PTPRT: variants seen among roughly 807,000 people sequenced by gnomAD.
The protein encoded by PTPRT is protein tyrosine phosphatase receptor type T, also known as receptor-type tyrosine-protein phosphatase T.
Under a neutral mutation model 176.8 loss-of-function variants are expected in PTPRT, and 56 were observed. The ratio of observed to expected loss-of-function variants is 0.32; its 90% confidence interval spans 0.26 to 0.40. The LOEUF (loss-of-function observed/expected upper bound fraction) is 0.40, where lower values mean the gene tolerates loss of function less well. PTPRT is among the 10% of genes least tolerant of loss of function. The probability of loss-of-function intolerance (pLI) is 1.00; values close to 1 mark genes in which losing one functional copy is unlikely to be tolerated. For missense variants in PTPRT, 1,540 were observed against 1,908.2 expected (o/e 0.81, Z 3.60); for synonymous variants, 783 against 739.0 (o/e 1.06, Z -0.96).
At chr20:42,725,008 T>TG (rs1402509955) in intron 6 of PTPRT, among the ~76,000 whole-genome samples, 2,855 of 115,054 alleles carry the variant, frequency 0.025, 111 homozygotes, top group African/African-American at 0.089. Flanking sequence ...GTGGACATCT[T>TG]TTGTGTGTGT....
At chr20:42,643,811 CT>C (rs1321909601) in intron 7 of PTPRT, among the ~76,000 whole-genome samples, 1 of 151,980 alleles carries the variant, frequency 6.6e-6, no homozygotes, top group African/African-American at 2.4e-5. Flanking sequence ...GGTTGCAACC[CT>C]CCCCTTGCCT....
chr20:43,041,479 C>T (rs189589702), intron 1 of PTPRT, among the ~76,000 whole-genome samples: 1 of 152,324 alleles, frequency 6.6e-6, no homozygotes, highest in Admixed American at 6.5e-5. Context: ...GTGTGGACAA[C>T]AGGGACAAGT....
intron 16 of PTPRT, among the ~76,000 whole-genome samples, chr20:42,185,452 G>T (rs1403975021): frequency 1.3e-5 from 2 of 152,154 alleles, no homozygotes; most frequent in Non-Finnish European, 2.9e-5. Flanking sequence ...ACTTCTTGAG[G>T]ATATTTTGAG....
chr20:42,855,694 A>G (rs1002508548), intron 2 of PTPRT, among the ~76,000 whole-genome samples: 1 of 152,088 alleles, frequency 6.6e-6, no homozygotes, highest in Non-Finnish European at 1.5e-5. Flanking sequence ...AGCCTCCCAA[A>G]GTGCTGGTAT....
chr20:42,094,375 A>T, intron 27 of PTPRT, among the ~76,000 whole-genome samples: 1 of 152,136 alleles, frequency 6.6e-6, no homozygotes, highest in East Asian at 1.9e-4. Context: ...TAGTTATCTC[A>T]GTTTCTAACC....
chr20:42,549,843 C>T (rs1246460517), intron 7 of PTPRT, among the ~76,000 whole-genome samples: 6 of 151,914 alleles, frequency 3.9e-5, no homozygotes, highest in Non-Finnish European at 7.4e-5. Context: ...TGTGGAAAAT[C>T]GTGGTAGTGG....
chr20:42,490,047 T>A (rs1179131150), intron 7 of PTPRT, among the ~76,000 whole-genome samples: 1 of 152,196 alleles, frequency 6.6e-6, no homozygotes, highest in Non-Finnish European at 1.5e-5. Flanking sequence ...CACATGAAGT[T>A]TCCAGACATA....
At chr20:42,682,262 T>C (rs1293812776) in intron 6 of PTPRT, among the ~76,000 whole-genome samples, 2 of 152,196 alleles carry the variant, frequency 1.3e-5, no homozygotes, top group Non-Finnish European at 2.9e-5. Flanking sequence ...TTTATGCATA[T>C]AAGTGATACC....
intron 8 of PTPRT, among the ~76,000 whole-genome samples, chr20:42,456,184 A>C (rs1356149066): frequency 1.3e-5 from 2 of 152,022 alleles, no homozygotes; most frequent in Non-Finnish European, 2.9e-5. Context: ...AATGTCTTTA[A>C]GAAAATACCA....
intron 6 of PTPRT, among the ~76,000 whole-genome samples, chr20:42,702,868 C>T (rs748462843): frequency 6.6e-6 from 1 of 152,208 alleles, no homozygotes; most frequent in Non-Finnish European, 1.5e-5. Flanking sequence ...AGGAGAACAT[C>T]TCTTAGTTTT....
intron 3 of PTPRT, among the ~76,000 whole-genome samples, chr20:42,787,619 C>T (rs76749136): frequency 0.034 from 5,188 of 152,270 alleles, 303 homozygotes; most frequent in African/African-American, 0.12. Flanking sequence ...GGGTATTCTT[C>T]CCAGAATGTA....
At chr20:42,044,804 A>G in the PTPRT span, among the ~76,000 whole-genome samples, 1 of 152,172 alleles carries the variant, frequency 6.6e-6, no homozygotes, top group African/African-American at 2.4e-5. Flanking sequence ...TTACATTACA[A>G]TTCTGGAGGT....
intron 14 of PTPRT, among the ~76,000 whole-genome samples, chr20:42,236,615 G>A (rs1346726534): frequency 7.4e-5 from 10 of 134,656 alleles, no homozygotes; most frequent in African/African-American, 1.6e-4. Context: ...TTTTTTGGTC[G>A]GCGGGGTGCA....
At chr20:42,376,434 C>T (rs537248787) in intron 9 of PTPRT, among the ~76,000 whole-genome samples, 20 of 152,286 alleles carry the variant, frequency 1.3e-4, no homozygotes, top group South Asian at 4.1e-4. Context: ...GGCTCCATTG[C>T]GGAGACATGT....
intron 2 of PTPRT, among the ~76,000 whole-genome samples, chr20:42,861,875 A>G (rs2078667635): frequency 6.8e-6 from 1 of 148,088 alleles, no homozygotes; most frequent in African/African-American, 2.6e-5. Context: ...ACAAAAAACC[A>G]AAAAAAAACA....
chr20:42,168,623 A>G (rs752727687), intron 16 of PTPRT, among the ~76,000 whole-genome samples: 10 of 152,216 alleles, frequency 6.6e-5, no homozygotes, highest in Non-Finnish European at 1.3e-4. Flanking sequence ...ACTGCTAAAA[A>G]TTTCTCGAAA....
At chr20:43,171,960 G>A (rs1244381540) in intron 1 of PTPRT, among the ~76,000 whole-genome samples, 1 of 152,218 alleles carries the variant, frequency 6.6e-6, no homozygotes, top group East Asian at 1.9e-4. Context: ...GAATGCAAAA[G>A]AGTCGAGGTC....
intron 6 of PTPRT, among the ~76,000 whole-genome samples, chr20:42,683,708 C>T (rs542458425): frequency 7.9e-5 from 12 of 152,258 alleles, no homozygotes; most frequent in Admixed American, 1.3e-4. Flanking sequence ...ACGATTTATG[C>T]GCAACACTGT....
intron 2 of PTPRT, among the ~76,000 whole-genome samples, chr20:42,800,950 C>T (rs577889625): frequency 9.9e-5 from 15 of 152,258 alleles, no homozygotes; most frequent in African/African-American, 3.6e-4. Flanking sequence ...CTGAAAGCAA[C>T]CTCCTCACAT....
Sources: gnomAD v4.1 joint callset for allele counts (sites outside exome capture counted in the v4.1 genomes callset) on GRCh38, gnomAD v4.1.1 for gene constraint, MANE v1.5 for transcripts, NCBI Gene and HGNC (gene_info 2026-07-23, HGNC 2026-07-21) for gene names.